The following ROR1 variants were observed in gnomAD, a reference collection of about 807,000 sequenced individuals.
The protein encoded by ROR1 is inactive tyrosine-protein kinase transmembrane receptor ROR1.
A neutral mutation model predicts 78.8 loss-of-function variants in ROR1; 19 were observed. The ratio of observed to expected loss-of-function variants is 0.24; its 90% CI spans 0.17 to 0.35. The LOEUF is 0.35. Among genes scored for constraint, ROR1 ranks in the 10% least tolerant of loss-of-function variants. The probability of loss-of-function intolerance (pLI) is 1.00; values close to 1 mark genes in which losing one functional copy is unlikely to be tolerated. For missense variants in ROR1, 917 were observed against 1,177.8 expected, an observed-to-expected ratio of 0.78 and a Z score of 3.24; for synonymous variants, 386 against 433.6, an observed-to-expected ratio of 0.89 and a Z score of 1.36.
intron 1 of ROR1, among the ~76,000 whole-genome samples, chr1:63,964,695 G>C (rs766106972): frequency 2.0e-5 from 3 of 152,182 alleles, no homozygotes; most frequent in Non-Finnish European, 4.4e-5. Flanking sequence ...GCTTTTCAAA[G>C]AAAGCCCATA....
At chr1:64,175,773 T>C (rs1034705079) in intron 8 of ROR1, among the ~76,000 whole-genome samples, 2 of 152,228 alleles carry the variant, frequency 1.3e-5, no homozygotes, top group African/African-American at 4.8e-5. Context: ...CTGGAAAATA[T>C]CAGCCTAGAA....
intron 2 of ROR1, among the ~76,000 whole-genome samples, chr1:64,020,591 G>A (rs1276467056): frequency 2.0e-5 from 3 of 152,104 alleles, no homozygotes; most frequent in African/African-American, 7.2e-5. Flanking sequence ...TGGAATATAG[G>A]ATCAGATCCA....
intron 1 of ROR1, among the ~76,000 whole-genome samples, chr1:63,964,680 G>C (rs1215647008): frequency 6.6e-6 from 1 of 152,198 alleles, no homozygotes; most frequent in South Asian, 2.1e-4. Context: ...TATGAAATTA[G>C]TTGGGCTTTT....
At chr1:64,062,864 A>T (rs1371985926) in intron 4 of ROR1, among the ~76,000 whole-genome samples, 1 of 152,244 alleles carries the variant, frequency 6.6e-6, no homozygotes, top group Non-Finnish European at 1.5e-5. Flanking sequence ...AGTTCTTCAC[A>T]TAAATATTGT....
At chr1:63,870,452 A>G (rs918962918) in intron 1 of ROR1, among the ~76,000 whole-genome samples, 8 of 152,216 alleles carry the variant, frequency 5.3e-5, no homozygotes, top group Non-Finnish European at 7.3e-5. Context: ...GGCATCGCCT[A>G]TTAAAGCCTT....
intron 1 of ROR1, among the ~76,000 whole-genome samples, chr1:63,781,720 G>A (rs1188424778): frequency 3.3e-5 from 5 of 152,210 alleles, no homozygotes; most frequent in Non-Finnish European, 7.3e-5. Flanking sequence ...CATAGTGAGC[G>A]CTCAGTGAGT....
At chr1:63,884,479 G>C (rs1645343836) in intron 1 of ROR1, among the ~76,000 whole-genome samples, 1 of 152,136 alleles carries the variant, frequency 6.6e-6, no homozygotes, top group African/African-American at 2.4e-5. Flanking sequence ...TTGGCAATGA[G>C]GAAACAAAGG....
chr1:64,056,748 T>C (rs1026207470), intron 4 of ROR1, among the ~76,000 whole-genome samples: 1 of 152,126 alleles, frequency 6.6e-6, no homozygotes, highest in African/African-American at 2.4e-5. Flanking sequence ...GTGGTTTTGA[T>C]TTGCATTTTC....
Position 64,177,724 on chromosome 1 carries a change from T to A in ROR1, c.1683T>A (p.His561Gln). ...AGTATATTAATCAGGGGGATCTCCA[T>A]GAGTTCCTCATCATGAGATCCCCAC... ...LFEYINQGDL[H>Q]EFLIMRSPHS... The change falls in exon 9 of 9, where the codon CAT becomes CAA. Residue 561 changes from histidine to glutamine, a missense_variant. Coordinates refer to ENST00000371079, the MANE Select transcript of ROR1 (RefSeq NM_005012.4). 2 of 1,614,202 alleles carry A rather than the reference T, an allele frequency of 1.2e-6. No individual in the cohort carries two copies. Among genetic ancestry groups the A allele is most frequent in the Non-Finnish European group, 1.7e-6 (2 of 1,180,040 alleles).
At chr1:63,808,447 T>C (rs1265044705) in intron 1 of ROR1, among the ~76,000 whole-genome samples, 1 of 152,212 alleles carries the variant, frequency 6.6e-6, no homozygotes, top group Non-Finnish European at 1.5e-5. Flanking sequence ...CAAATATACT[T>C]CTATCTTGTT....
chr1:64,048,437 C>T (rs1424127913), intron 2 of ROR1, among the ~76,000 whole-genome samples: 1 of 152,070 alleles, frequency 6.6e-6, no homozygotes, highest in African/African-American at 2.4e-5. Flanking sequence ...CCATCCCTGC[C>T]CTTATGGGGC....
chr1:63,810,427 T>A (rs601093), intron 1 of ROR1, among the ~76,000 whole-genome samples: 1 of 152,042 alleles, frequency 6.6e-6, no homozygotes, highest in Admixed American at 6.5e-5. Flanking sequence ...TCCAGAACCA[T>A]TGTTGAGTTC....
intron 8 of ROR1, among the ~76,000 whole-genome samples, chr1:64,164,404 C>G (rs1650029552): frequency 6.6e-6 from 1 of 152,166 alleles, no homozygotes; most frequent in African/African-American, 2.4e-5. Flanking sequence ...CTTGGCTCTG[C>G]TGTCAACTGG....
intron 4 of ROR1, among the ~76,000 whole-genome samples, chr1:64,133,771 C>G (rs920680832): frequency 3.4e-4 from 52 of 152,328 alleles, no homozygotes; most frequent in African/African-American, 1.2e-3. Flanking sequence ...TGCCCTTGCA[C>G]TTTTGCTACC....
chr1:63,871,357 A>G (rs116818586), intron 1 of ROR1, among the ~76,000 whole-genome samples: 215 of 152,314 alleles, frequency 1.4e-3, no homozygotes, highest in South Asian at 6.6e-3. Flanking sequence ...GGAAGTTAGC[A>G]AGTGCTTCAG....
At chr1:63,836,470 A>C (rs1406283432) in intron 1 of ROR1, among the ~76,000 whole-genome samples, 5 of 152,188 alleles carry the variant, frequency 3.3e-5, no homozygotes, top group Admixed American at 2.6e-4. Context: ...TCCTATACCC[A>C]GTTTCTTAAG....
At chr1:63,788,994 C>T (rs946034599) in intron 1 of ROR1, 1 of 648,762 alleles carries the variant, frequency 1.5e-6, no homozygotes, top group South Asian at 1.4e-5. Flanking sequence ...TCTGAGCAGC[C>T]AGCACAGAAT....
intron 1 of ROR1, among the ~76,000 whole-genome samples, chr1:63,952,254 G>A (rs1645945961): frequency 1.3e-5 from 2 of 152,106 alleles, no homozygotes; most frequent in East Asian, 1.9e-4. Flanking sequence ...TGGTGGAATA[G>A]CAAATAGAAA....
chr1:64,090,976 A>AGTTT (rs1647192077), intron 4 of ROR1, among the ~76,000 whole-genome samples: 1 of 140,696 alleles, frequency 7.1e-6, no homozygotes, highest in African/African-American at 2.8e-5. Context: ...CAGCCCTAAT[A>AGTTT]GTTTGGTATC....
Sources: allele counts gnomAD v4.1 joint callset (sites outside exome capture counted in the v4.1 genomes callset), GRCh38; gene constraint gnomAD v4.1.1; transcripts MANE v1.5; gene names NCBI Gene and HGNC (gene_info 2026-07-23, HGNC 2026-07-21).